The following RPN2 variants were observed in gnomAD, a reference collection of about 807,000 sequenced individuals.
The protein encoded by RPN2 is dolichyl-diphosphooligosaccharide--protein glycosyltransferase subunit 2.
Under a neutral mutation model 71.4 loss-of-function variants are expected in RPN2, and 29 were observed. That is an observed-to-expected ratio of 0.41 (90% CI 0.30 to 0.55). The LOEUF (loss-of-function observed/expected upper bound fraction) is 0.55. Ranked by LOEUF, RPN2 falls within the 20% of genes least tolerant of loss-of-function variation. The pLI, the probability that RPN2 is intolerant of heterozygous loss-of-function variation, is 0.35. For missense variants in RPN2, 726 were observed against 774.1 expected, an observed-to-expected ratio of 0.94 and a Z score of 0.74; for synonymous variants, 308 against 305.0, an observed-to-expected ratio of 1.01 and a Z score of -0.10.
chr20:37,236,034 A>G (rs1436639651), intron 15 of RPN2, among the ~76,000 whole-genome samples: 2 of 152,190 alleles, frequency 1.3e-5, no homozygotes, highest in Non-Finnish European at 2.9e-5. Context: ...ACAAAAGCAG[A>G]GAAATAGTTG....
chr20:37,216,129 A>C (rs1230246845), intron 9 of RPN2, among the ~76,000 whole-genome samples: 1 of 152,180 alleles, frequency 6.6e-6, no homozygotes, highest in East Asian at 1.9e-4. Context: ...ACCTGAGGTC[A>C]GGAGTTCAAT....
chr20:37,198,348 G>A (rs755882860), intron 2 of RPN2, 49 bp from the exon 3 acceptor site: 4 of 1,613,936 alleles, frequency 2.5e-6, no homozygotes, highest in East Asian at 2.2e-5. Context: ...GCTTTTCCTG[G>A]TTCACTACAT....
intron 6 of RPN2, 62 bp downstream of exon 6, chr20:37,204,963 G>A: frequency 6.2e-7 from 1 of 1,611,266 alleles, no homozygotes; most frequent in Non-Finnish European, 8.5e-7. Flanking sequence ...ATCTGCTAAG[G>A]ATGGCTTTTA....
chr20:37,231,748 C>T (rs1438090556), intron 13 of RPN2, among the ~76,000 whole-genome samples: 2 of 149,992 alleles, frequency 1.3e-5, no homozygotes, highest in Non-Finnish European at 3.0e-5. Context: ...GCGGGAAGTT[C>T]GTTTAGGGCT....
intron 2 of RPN2, among the ~76,000 whole-genome samples, chr20:37,196,153 G>A (rs1204017600): frequency 2.0e-5 from 3 of 151,838 alleles, no homozygotes; most frequent in Admixed American, 1.3e-4. Context: ...TCTGCCTCCC[G>A]GGTTCAAGGG....
chr20:37,185,120 A>C (rs1415079002), intron 2 of RPN2, among the ~76,000 whole-genome samples: 3 of 151,332 alleles, frequency 2.0e-5, no homozygotes, highest in Non-Finnish European at 4.4e-5. Flanking sequence ...TTATGATTAA[A>C]ACCTTTCCTG....
chr20:37,210,957 G>A (rs2067648289), intron 8 of RPN2, among the ~76,000 whole-genome samples: 1 of 152,022 alleles, frequency 6.6e-6, no homozygotes, highest in African/African-American at 2.4e-5. Context: ...GGAGACTGAG[G>A]CAGATGGATT....
intron 6 of RPN2, among the ~76,000 whole-genome samples, chr20:37,205,482 C>T (rs2067492447): frequency 1.3e-5 from 2 of 152,008 alleles, no homozygotes; most frequent in Admixed American, 6.6e-5. Context: ...CGTCTTTGTA[C>T]CCCTTGTTTG....
rs1386714127 is a variant in RPN2 at position 37,204,016 on chromosome 20, A to G, written c.555+56A>G. The G allele has an allele frequency of 5.0e-6, 6 of 1,205,196 alleles. No individual in the cohort carries two copies. The East Asian group carries it at 1.4e-4, about 28-fold the overall frequency. 74.7% of individuals were successfully genotyped at this position (1,205,196 alleles called of 1,614,324 possible). On this transcript the variant is annotated intron_variant, in intron 5 of 16. Transcript: ENST00000237530. ...GCTCCTGTCTTTGACACTCTGCAGA[A>G]GAATCTTGCAGATAGCCATGCATGA...
intron 2 of RPN2, among the ~76,000 whole-genome samples, 153 bp downstream of exon 2, chr20:37,184,526 C>T (rs117638145): frequency 5.9e-5 from 9 of 152,224 alleles, no homozygotes; most frequent in African/African-American, 2.2e-4. Context: ...GGCGTGGTGA[C>T]TCACGCCTGT....
chr20:37,215,433 G>A (rs2067783174), intron 9 of RPN2, among the ~76,000 whole-genome samples: 1 of 152,220 alleles, frequency 6.6e-6, no homozygotes, highest in Admixed American at 6.5e-5. Flanking sequence ...TGTAGCGTAT[G>A]CCTTGATCCT....
At chr20:37,182,945 C>A (rs1197875624) in intron 1 of RPN2, among the ~76,000 whole-genome samples, 1 of 152,108 alleles carries the variant, frequency 6.6e-6, no homozygotes, top group African/African-American at 2.4e-5. Context: ...ATTAATTTTT[C>A]TTTTCATTTA....
intron 4 of RPN2, among the ~76,000 whole-genome samples, chr20:37,201,471 T>C (rs1232345602): frequency 6.6e-6 from 1 of 152,202 alleles, no homozygotes; most frequent in East Asian, 1.9e-4. Context: ...TTGCAGTGCT[T>C]AGAGAGCCTG....
At chr20:37,184,760 C>T (rs879519784) in intron 2 of RPN2, among the ~76,000 whole-genome samples, 9 of 152,182 alleles carry the variant, frequency 5.9e-5, no homozygotes, top group Admixed American at 5.2e-4. Context: ...CCATTGCACT[C>T]CAGCCCAGGC....
chr20:37,192,402 A>C (rs188110830), intron 2 of RPN2, among the ~76,000 whole-genome samples: 33 of 152,358 alleles, frequency 2.2e-4, no homozygotes, highest in Middle Eastern at 3.4e-3. Context: ...GCTAAGTGCC[A>C]AGAGGCAGAC....
intron 4 of RPN2, among the ~76,000 whole-genome samples, chr20:37,201,936 C>T (rs1019227116): frequency 2.0e-5 from 3 of 152,234 alleles, no homozygotes; most frequent in African/African-American, 7.2e-5. Flanking sequence ...ATCAATTTCT[C>T]TGAATCATCT....
At chr20:37,239,514 T>C (rs1178637277) in intron 16 of RPN2, among the ~76,000 whole-genome samples, 2 of 152,244 alleles carry the variant, frequency 1.3e-5, no homozygotes, top group African/African-American at 2.4e-5. Context: ...TTTGGAGCCT[T>C]TCCATGGATG....
intron 1 of RPN2, among the ~76,000 whole-genome samples, chr20:37,181,273 A>G (rs2066869556): frequency 6.6e-6 from 1 of 151,578 alleles, no homozygotes. Context: ...ACGGTGGTAT[A>G]CAAGGCCCTC....
At chr20:37,220,658 T>A (rs2067932132) in intron 9 of RPN2, among the ~76,000 whole-genome samples, 2 of 152,180 alleles carry the variant, frequency 1.3e-5, no homozygotes, top group Admixed American at 6.5e-5. Flanking sequence ...CCTTTCCTAT[T>A]ATAAAAACGA....
Sources: gnomAD v4.1 joint callset for allele counts (sites outside exome capture counted in the v4.1 genomes callset) on GRCh38, gnomAD v4.1.1 for gene constraint, MANE v1.5 for transcripts, NCBI Gene and HGNC (gene_info 2026-07-23, HGNC 2026-07-21) for gene names.